Variants in DDX55 observed in about 807,000 individuals in gnomAD.
The protein encoded by DDX55 is DEAD-box helicase 55.
Under a neutral mutation model 69.2 loss-of-function variants are expected in DDX55, and 56 were observed. The observed-to-expected ratio is 0.81, with a 90% CI of 0.65 to 1.01. The LOEUF is 1.01. Ranked by LOEUF, DDX55 falls within the 50% of genes least tolerant of loss-of-function variation. DDX55 has a pLI of 0.00. For missense variants in DDX55, 720 were observed against 745.1 expected, an observed-to-expected ratio of 0.97 and a Z score of 0.39; for synonymous variants, 268 against 273.1, an observed-to-expected ratio of 0.98 and a Z score of 0.18.
intron 11 of DDX55, chr12:123,618,200 T>C (rs957815280): frequency 1.2e-4 from 45 of 379,328 alleles, no homozygotes; most frequent in South Asian, 2.9e-4. Flanking sequence ...TTAGTAGAGA[T>C]GGGGTTTCTC....
chr12:123,610,565 ATGT>A (rs777002953), intron 7 of DDX55, among the ~76,000 whole-genome samples: 1 of 149,386 alleles, frequency 6.7e-6, no homozygotes, highest in South Asian at 2.1e-4. Flanking sequence ...TGCTCCGTAA[ATGT>A]TGTGTATTTT....
At position 123,620,118 on chromosome 12, in the gene DDX55, C is replaced by G; in HGVS notation, c.1781C>G (p.Ser594Ter). Residue 594 changes from serine (S) to a stop codon, truncating the protein, a stop_gained, in exon 14 of 14, where the codon TCA (serine) becomes TGA (stop). Transcript: ENST00000238146. LOFTEE classifies it high-confidence loss of function. Reference sequence around the variant, plus strand: ...ATCAAGACAGTGGATTTAGGGATCTCAGATTTGGAAGATGACTGCTGATTC... The same window carrying G: ...ATCAAGACAGTGGATTTAGGGATCTGAGATTTGGAAGATGACTGCTGATTC... ...RTIKTVDLGISDLEDDC is the reference protein window; with the variant it reads ...RTIKTVDLGI 1 of 1,613,862 alleles carries G rather than the reference C, an allele frequency of 6.2e-7. No individual in the cohort carries two copies. The highest frequency in any genetic ancestry group is 8.5e-7 in the Non-Finnish European group (1 of 1,179,864).
intron 11 of DDX55, chr12:123,618,422 G>C (rs1954865805): frequency 1.8e-6 from 2 of 1,114,036 alleles, no homozygotes; most frequent in Non-Finnish European, 2.6e-6. Flanking sequence ...CTTGTGAATA[G>C]AGACCCAGTG....
In DDX55 at chr12:123,618,706, C is replaced by T. The variant is rs201387635; in HGVS notation, c.1202C>T (p.Ala401Val). The T allele has an allele frequency of 3.7e-4, 594 of 1,614,084 alleles. 8 individuals carry two copies. The East Asian group carries it at 0.011, about 31-fold the overall frequency. The change falls in exon 12 of 14, where the codon GCG (alanine) becomes GTG (valine). Residue 401 changes from alanine (A) to valine (V), a missense_variant. Physicochemically the swap from Ala to Val is moderately conservative, Grantham distance 64. Transcript: ENST00000238146. ...GAGATGAAGCCCCAGAGAAACACAG[C>T]GGACCTTCTGCCAAAACTCAAGTCC... ...LQEMKPQRNTADLLPKLKSMA... is the reference protein window; with the variant it reads ...LQEMKPQRNTVDLLPKLKSMA...
rs1431839934 is a variant in DDX55, at chr12:123,620,726, C to T, written c.*586C>T. ...TTTCAAAACCATTCCTCAGTATCTT[C>T]AGGCATTTGACCTCCTGAATGTGCT... is the stretch of plus-strand genomic sequence containing the variant. On this transcript the variant is annotated 3_prime_UTR_variant, in exon 14 of 14. Transcript: ENST00000238146. 1 of 150,588 alleles carries T rather than the reference C, an allele frequency of 6.6e-6. No individual in the cohort carries two copies. The highest frequency in any genetic ancestry group is 2.0e-4 in the East Asian group (1 of 5,080). 9.3% of individuals were successfully genotyped at this position (150,588 alleles called of 1,614,324 possible).
Position 123,620,612 on chromosome 12 carries a change from A to AT in DDX55, c.*473dup, listed in dbSNP as rs1955067098. 1 of 75,006 alleles carries AT rather than the reference A, an allele frequency of 1.3e-5. No homozygotes were observed. The highest frequency in any genetic ancestry group is 2.7e-4 in the East Asian group (1 of 3,708). 4.6% of individuals were successfully genotyped at this position (75,006 alleles called of 1,614,324 possible). On this transcript the variant is annotated 3_prime_UTR_variant, in exon 14 of 14. Coordinates refer to ENST00000238146, the MANE Select transcript of DDX55 (RefSeq NM_020936.3). ...TATATATATATATATATATATATAT[A>AT]TATATATATATATATAAGCTCTTTT...
chr12:123,603,273 T>G (rs1376331659), intron 1 of DDX55, among the ~76,000 whole-genome samples: 1 of 151,974 alleles, frequency 6.6e-6, no homozygotes, highest in African/African-American at 2.4e-5. Flanking sequence ...TGATGGTGAC[T>G]TGGAGTAGGG....
At chr12:123,617,947 C>G (rs1370614360) in intron 11 of DDX55, 75 bp downstream of exon 11, 1 of 1,439,378 alleles carries the variant, frequency 6.9e-7, no homozygotes. Context: ...ATGTGGTCAG[C>G]AATTGAAATT....
In DDX55 at chr12:123,616,631, C is replaced by T. The variant is rs768088940; in HGVS notation, c.1049+28C>T. The T allele has an allele frequency of 6.0e-5, 96 of 1,599,584 alleles. 1 individual carries two copies. The South Asian group carries it at 1.0e-3, about 17-fold the overall frequency. ...ATGGTACGAGGCTGCCACCCACTCT[C>T]TGTTGAGGAATTTAGCCTAATAAAG... On this transcript the variant is annotated intron_variant, in intron 10 of 13. Coordinates refer to ENST00000238146, the MANE Select transcript of DDX55 (RefSeq NM_020936.3).
At chr12:123,611,117 TCTTGAACTC>T (rs1468122809) in intron 7 of DDX55, among the ~76,000 whole-genome samples, 2 of 151,906 alleles carry the variant, frequency 1.3e-5, no homozygotes, top group African/African-American at 4.8e-5. Flanking sequence ...GACAGGCTGG[TCTTGAACTC>T]CTGACCTCAT....
intron 7 of DDX55, among the ~76,000 whole-genome samples, chr12:123,612,353 A>G (rs1390718758): frequency 6.6e-6 from 1 of 152,208 alleles, no homozygotes; most frequent in Non-Finnish European, 1.5e-5. Flanking sequence ...GAGATGGCTG[A>G]GTACATGAGA....
intron 7 of DDX55, 146 bp downstream of exon 7, chr12:123,610,274 T>C (rs926167062): frequency 3.1e-5 from 31 of 1,002,698 alleles, no homozygotes; most frequent in Non-Finnish European, 4.4e-5. Flanking sequence ...ATGGCCTGAG[T>C]GGTCCTACTC....
intron 7 of DDX55, among the ~76,000 whole-genome samples, chr12:123,612,734 A>G (rs1464091086): frequency 1.3e-5 from 2 of 151,974 alleles, no homozygotes; most frequent in Non-Finnish European, 2.9e-5. Flanking sequence ...CTGTAATCCC[A>G]GCACTTTAGA....
chr12:123,612,403 G>T (rs907328438), intron 7 of DDX55, among the ~76,000 whole-genome samples: 26 of 152,180 alleles, frequency 1.7e-4, no homozygotes, highest in African/African-American at 6.3e-4. Context: ...GTAAAAATAG[G>T]ATGAATGCAT....
chr12:123,613,741 C>T (rs1693716365), intron 8 of DDX55, among the ~76,000 whole-genome samples: 1 of 152,120 alleles, frequency 6.6e-6, no homozygotes, highest in Non-Finnish European at 1.5e-5. Context: ...ACGTGGTGGC[C>T]CCTCACTTCA....
intron 7 of DDX55, 101 bp downstream of exon 7, chr12:123,610,229 T>G: frequency 7.1e-7 from 1 of 1,416,800 alleles, no homozygotes; most frequent in Non-Finnish European, 9.4e-7. Context: ...GTAGCACCTA[T>G]GAAATGCATT....
In DDX55 at chr12:123,619,667, G is replaced by A; in HGVS notation, c.1569G>A (p.Lys523=). The change falls in exon 13 of 14, where the codon AAG becomes AAA. Residue 523 remains lysine (K), a synonymous_variant. Coordinates refer to ENST00000238146, the MANE Select transcript of DDX55 (RefSeq NM_020936.3). ...TCATAAAAAATAAAGCTTGGTCAAA[G>A]CAGAAGGCCAAAAAAGAAAAGAAGA... ...RKFIKNKAWS[K]QKAKKEKKKK... is the part of the protein sequence containing the mutation. The A allele has an allele frequency of 1.3e-6, 2 of 1,588,414 alleles. No homozygotes were observed. Among genetic ancestry groups the A allele is most frequent in the Non-Finnish European group, 1.7e-6 (2 of 1,174,012 alleles).
Position 123,618,848 on chromosome 12 carries a change from CT to C in DDX55, c.1333+13del, listed in dbSNP as rs765142683. 2.0e-5 allele frequency: 33 copies of C among 1,612,792 alleles called. No homozygotes were observed. Among genetic ancestry groups the C allele is most frequent in the Non-Finnish European group, 2.6e-5 (31 of 1,179,138 alleles). ...TTTTCAGATTAAAGGGTAAGTTGGA[CT>C]TCTTCATGTGATAATGTCTCCATCT... is the stretch of plus-strand genomic sequence containing the variant. On this transcript the variant is annotated intron_variant, in intron 12 of 13. Coordinates refer to ENST00000238146, the MANE Select transcript of DDX55 (RefSeq NM_020936.3).
At chr12:123,608,923 TTTTA>T (rs1954045535) in intron 6 of DDX55, 94 bp downstream of exon 6, 1 of 1,085,292 alleles carries the variant, frequency 9.2e-7, no homozygotes, top group African/African-American at 1.6e-5. Context: ...GACTAGGTAT[TTTTA>T]TTTTTTATTT....
Sources: allele counts gnomAD v4.1 joint callset (sites outside exome capture counted in the v4.1 genomes callset), GRCh38; gene constraint gnomAD v4.1.1; transcripts MANE v1.5; gene names NCBI Gene and HGNC (gene_info 2026-07-23, HGNC 2026-07-21).